SLC35D1: variants seen among roughly 807,000 people sequenced by gnomAD.
SLC35D1 encodes solute carrier family 35 member D1, also known as nucleotide sugar transporter SLC35D1.
SLC35D1 carries 31 observed loss-of-function variants against 46.7 expected under a neutral mutation model. The ratio of observed to expected loss-of-function variants is 0.66; its 90% CI spans 0.50 to 0.90. The LOEUF (loss-of-function observed/expected upper bound fraction) is 0.90, where lower values mean the gene tolerates loss of function less well. Ranked by LOEUF, SLC35D1 falls within the 40% of genes least tolerant of loss-of-function variation. SLC35D1 has a pLI of 0.00. For synonymous variants in SLC35D1, 195 were observed against 164.6 expected (o/e 1.18, Z -1.41); for missense variants, 397 against 426.2 (o/e 0.93, Z 0.60).
chr1:67,031,895 T>C (rs748189621), intron 8 of SLC35D1: 25 of 218,632 alleles, frequency 1.1e-4, no homozygotes, highest in Non-Finnish European at 1.0e-4. Flanking sequence ...CTCCCTAAGA[T>C]AGGAAATAGA....
chr1:66,997,788 TATAA>T (rs1401786585), downstream of SLC35D1, among the ~76,000 whole-genome samples: 4 of 147,468 alleles, frequency 2.7e-5, no homozygotes, highest in Non-Finnish European at 6.0e-5. Flanking sequence ...AATTTAATAA[TATAA>T]ATATTGTTAT....
rs1304504542 is a variant in SLC35D1, at chr1:67,052,855, C to A, written c.240G>T (p.Met80Ile). 1 of 1,614,016 alleles carries A rather than the reference C, an allele frequency of 6.2e-7. No homozygotes were observed. The highest frequency in any genetic ancestry group is 1.3e-5 in the African/African-American group (1 of 74,894). ...CCCAGAGAACTGCCACTGTGGCCAC[C>A]ATCTGTAAACAAGAGAACACAGATT... ...PSSLCVGLGQ[M>I]VATVAVLWVG... The change falls in exon 3 of 12, where the codon ATG becomes ATT. Residue 80 changes from methionine (M) to isoleucine (I), a missense_variant and splice_region_variant. Met to Ile is a conservative substitution (Grantham distance 10, BLOSUM62 1). Coordinates refer to ENST00000235345, the MANE Select transcript of SLC35D1 (RefSeq NM_015139.3).
the SLC35D1 span, among the ~76,000 whole-genome samples, chr1:66,978,516 A>AT: frequency 3.9e-5 from 6 of 152,014 alleles, no homozygotes; most frequent in Admixed American, 6.6e-5. Flanking sequence ...TTTATAGTTA[A>AT]TTTTTTTTCC....
At chr1:66,982,056 C>A in the SLC35D1 span, 1 of 768,252 alleles carries the variant, frequency 1.3e-6, no homozygotes, top group Non-Finnish European at 2.1e-6. Context: ...ACAAACATAA[C>A]ATCAGCATAC....
At chr1:67,022,510 C>T (rs550700204) in intron 8 of SLC35D1, among the ~76,000 whole-genome samples, 1 of 152,310 alleles carries the variant, frequency 6.6e-6, no homozygotes, top group East Asian at 1.9e-4. Flanking sequence ...TTGTGGGGCC[C>T]TTCCTGATCA....
At chr1:67,037,447 T>C (rs1668147778) in intron 8 of SLC35D1, among the ~76,000 whole-genome samples, 1 of 152,162 alleles carries the variant, frequency 6.6e-6, no homozygotes, top group Non-Finnish European at 1.5e-5. Context: ...TTTTGTCTTT[T>C]GTACCAGCTC....
chr1:66,991,510 A>T, the SLC35D1 span, among the ~76,000 whole-genome samples: 1 of 152,180 alleles, frequency 6.6e-6, no homozygotes, highest in African/African-American at 2.4e-5. Context: ...TATGTGACAA[A>T]CTTAGGAAGT....
chr1:66,996,364 G>A (rs1022319895), downstream of SLC35D1, among the ~76,000 whole-genome samples: 1 of 152,232 alleles, frequency 6.6e-6, no homozygotes, highest in African/African-American at 2.4e-5. Context: ...AATAACATTT[G>A]ACAAGTATAG....
intron 6 of SLC35D1, among the ~76,000 whole-genome samples, chr1:67,048,533 T>C (rs1043295597): frequency 6.6e-6 from 1 of 152,244 alleles, no homozygotes; most frequent in Non-Finnish European, 1.5e-5. Context: ...TTTTTTAGAA[T>C]GAAATTTTAC....
intron 10 of SLC35D1, among the ~76,000 whole-genome samples, chr1:67,018,278 A>G (rs1667726296): frequency 6.6e-6 from 1 of 152,166 alleles, no homozygotes; most frequent in Admixed American, 6.5e-5. Context: ...AACTTAGGAA[A>G]GTGTATAACA....
At chr1:67,009,561 CA>C (rs1667520834) in intron 10 of SLC35D1, among the ~76,000 whole-genome samples, 2 of 152,084 alleles carry the variant, frequency 1.3e-5, no homozygotes, top group South Asian at 4.1e-4. Flanking sequence ...AACATACATG[CA>C]GCAAACAAAT....
intron 7 of SLC35D1, among the ~76,000 whole-genome samples, chr1:67,043,675 C>A (rs1489308847): frequency 2.0e-5 from 3 of 152,188 alleles, no homozygotes; most frequent in African/African-American, 7.2e-5. Context: ...AAAACGTGTA[C>A]ATGAAGTAAA....
the SLC35D1 span, chr1:66,986,312 C>A: frequency 3.3e-6 from 5 of 1,516,074 alleles, no homozygotes; most frequent in Admixed American, 8.8e-5. Context: ...GTGCTAAATT[C>A]TTGTTAAATA....
intron 8 of SLC35D1, among the ~76,000 whole-genome samples, chr1:67,026,941 A>G (rs2755248): frequency 0.79 from 120,040 of 152,018 alleles, 47,817 homozygotes; most frequent in South Asian, 0.88. Flanking sequence ...GAACAAGATG[A>G]GGAAACTGCC....
chr1:67,045,218 T>G (rs560040221), intron 7 of SLC35D1, among the ~76,000 whole-genome samples: 33 of 152,246 alleles, frequency 2.2e-4, no homozygotes, highest in Non-Finnish European at 4.4e-4. Flanking sequence ...ACATTTTAAT[T>G]GTTTTGAATG....
rs113691669 is a variant in SLC35D1, at chr1:67,034,463, T to C, written c.729+7773A>G. Among the ~76,000 whole-genome samples the C allele has an allele frequency of 3.2e-3, 488 of 152,304 alleles. 6 individuals are homozygous for C. The highest frequency in any genetic ancestry group is 0.011 in the African/African-American group (462 of 41,586). On this transcript the variant is annotated intron_variant, in intron 8 of 11. Transcript: ENST00000235345. ...ATTTCATTTGTAGCTATTATAAATG[T>C]AATTACTTTCTTGATTTCCTTTTCA...
In SLC35D1 at chr1:67,047,237, A is replaced by C. The variant is rs1024230; in HGVS notation, c.636+28T>G. 0.67 allele frequency: 1,033,200 copies of C among 1,546,344 alleles called. 346,843 individuals carry two copies. Among genetic ancestry groups the C allele is most frequent in the African/African-American group, 0.77 (56,490 of 73,674 alleles). ...ATTGACATGCCAACATCAGTACACAACTGTTAAAGCTTTAGATTGCTACTT... is the reference window on the plus strand; with the variant it reads ...ATTGACATGCCAACATCAGTACACACCTGTTAAAGCTTTAGATTGCTACTT... On this transcript the variant is annotated intron_variant, in intron 7 of 11. Coordinates refer to ENST00000235345, the MANE Select transcript of SLC35D1 (RefSeq NM_015139.3).
rs1012250281 is a variant in SLC35D1, at chr1:67,000,160, A to G, written c.*4180T>C. 1.3e-5 allele frequency: 2 copies of G among 151,710 alleles called. No homozygotes were observed. The highest frequency in any genetic ancestry group is 2.9e-5 in the Non-Finnish European group (2 of 68,020). The allele number at this position is 151,710 out of a possible 1,614,324, so 9.4% of individuals were successfully genotyped here. On this transcript the variant is annotated 3_prime_UTR_variant, in exon 12 of 12. Coordinates refer to ENST00000235345, the MANE Select transcript of SLC35D1 (RefSeq NM_015139.3). ...GCCAGGCGTAATGGCACATGCCTATAGTCGTAGCTACTTAGCAGGCTAAGG... is the reference window on the plus strand; with the variant it reads ...GCCAGGCGTAATGGCACATGCCTATGGTCGTAGCTACTTAGCAGGCTAAGG...
chr1:66,991,803 T>TTA, the SLC35D1 span, among the ~76,000 whole-genome samples: 4,139 of 152,134 alleles, frequency 0.027, 58 homozygotes, highest in African/African-American at 0.037. Context: ...GCTTTTTTTT[T>TTA]TATATCATAC....
Sources: gnomAD v4.1 joint callset for allele counts (sites outside exome capture counted in the v4.1 genomes callset) on GRCh38, gnomAD v4.1.1 for gene constraint, MANE v1.5 for transcripts, NCBI Gene and HGNC (gene_info 2026-07-23, HGNC 2026-07-21) for gene names.